VWC2: variants seen among roughly 807,000 people sequenced by gnomAD.
VWC2 encodes von Willebrand factor C domain containing 2.
A neutral mutation model predicts 29.8 loss-of-function variants in VWC2; 14 were observed. The observed-to-expected ratio is 0.47, with a 90% CI of 0.31 to 0.74. The LOEUF (loss-of-function observed/expected upper bound fraction) is 0.74, where lower values mean the gene tolerates loss of function less well. VWC2 is among the 30% of genes least tolerant of loss of function. The pLI is 0.05. For synonymous variants in VWC2, 213 were observed against 199.0 expected (o/e 1.07, Z -0.59); for missense variants, 457 against 459.8 (o/e 0.99, Z 0.05).
intron 3 of VWC2, among the ~76,000 whole-genome samples, chr7:49,858,132 A>G (rs896666940): frequency 6.6e-6 from 1 of 152,146 alleles, no homozygotes; most frequent in Non-Finnish European, 1.5e-5. Context: ...AAGTGTTCCT[A>G]TTTCTCCACA....
At chr7:49,792,272 G>A (rs1331390066) in intron 2 of VWC2, among the ~76,000 whole-genome samples, 1 of 152,166 alleles carries the variant, frequency 6.6e-6, no homozygotes, top group African/African-American at 2.4e-5. Context: ...TAAGCACTTT[G>A]CCAACAGCAA....
intron 3 of VWC2, among the ~76,000 whole-genome samples, chr7:49,853,920 T>G (rs1345198588): frequency 7.3e-6 from 1 of 136,590 alleles, no homozygotes; most frequent in Non-Finnish European, 1.5e-5. Flanking sequence ...TGTGTCCAAA[T>G]GTTTTCATTG....
At chr7:49,819,914 G>A (rs1789228142) in intron 3 of VWC2, among the ~76,000 whole-genome samples, 1 of 152,106 alleles carries the variant, frequency 6.6e-6, no homozygotes, top group South Asian at 2.1e-4. Context: ...ATAAATAGAG[G>A]GAGGGCATTG....
chr7:49,906,912 T>C (rs1174722206), intron 3 of VWC2, among the ~76,000 whole-genome samples: 1 of 152,200 alleles, frequency 6.6e-6, no homozygotes, highest in African/African-American at 2.4e-5. Context: ...TATATCTCTT[T>C]CTTGCCTGAA....
At chr7:49,911,859 T>TGCA (rs1793459433) in intron 3 of VWC2, among the ~76,000 whole-genome samples, 175 bp from the exon 4 acceptor site, 1 of 151,360 alleles carries the variant, frequency 6.6e-6, no homozygotes, top group African/African-American at 2.4e-5. Context: ...ATCGTGCCAC[T>TGCA]GCACTCCAGC....
Position 49,775,519 on chromosome 7 carries a change from T to C in VWC2, c.84T>C (p.Ser28=). ...GCTGCCTGATGGTGGCTCTGTGCAG[T>C]CCGAGCATCCCGCTGGAGAAGCTGG... is the stretch of plus-strand genomic sequence containing the variant. ...VTCCLMVALC[S]PSIPLEKLAQ... is the part of the protein sequence containing the mutation. The change falls in exon 2 of 4, where the codon AGT becomes AGC. Residue 28 remains serine (S), a synonymous_variant. Coordinates refer to ENST00000340652, the MANE Select transcript of VWC2 (RefSeq NM_198570.5). 1.3e-6 allele frequency: 2 copies of C among 1,577,480 alleles called. No homozygotes were observed. Among genetic ancestry groups the C allele is most frequent in the Non-Finnish European group, 1.7e-6 (2 of 1,166,130 alleles).
In VWC2 at chr7:49,867,845, A is replaced by G. The variant is rs6972877; in HGVS notation, c.827-44189A>G. The stretch of plus-strand genomic sequence containing the variant: ...ATTTTTTATTTTATTATTTTATTTT[A>G]TTTTTTGAGGTGGAGTCTTGCCCTG... On this transcript the variant is annotated intron_variant, in intron 3 of 3. Transcript: ENST00000340652. Among the ~76,000 whole-genome samples, 5 of 127,262 alleles carry G rather than the reference A, an allele frequency of 3.9e-5. No homozygotes were observed. The East Asian group carries it at 1.8e-3, about 45-fold the overall frequency. 83.5% of individuals were successfully genotyped at this position (127,262 alleles called of 152,430 possible). A position where few individuals can be genotyped will look rare whatever the true frequency, so the allele number is the denominator to read the frequency against.
intron 3 of VWC2, among the ~76,000 whole-genome samples, chr7:49,834,930 C>A (rs1158435924): frequency 6.6e-6 from 1 of 152,156 alleles, no homozygotes; most frequent in Non-Finnish European, 1.5e-5. Context: ...GAGATATTGT[C>A]AACCTAAAGA....
intron 2 of VWC2, among the ~76,000 whole-genome samples, chr7:49,783,656 C>T (rs1030029618): frequency 6.6e-6 from 1 of 152,178 alleles, no homozygotes; most frequent in African/African-American, 2.4e-5. Context: ...CATAGACTGC[C>T]TTTCAAATCT....
At chr7:49,843,761 G>A (rs908349674) in intron 3 of VWC2, among the ~76,000 whole-genome samples, 21 of 152,310 alleles carry the variant, frequency 1.4e-4, no homozygotes, top group Admixed American at 3.3e-4. Context: ...TTGAAATGTT[G>A]CCCCCAGCGC....
intron 3 of VWC2, among the ~76,000 whole-genome samples, chr7:49,867,445 G>C (rs1456056199): frequency 6.6e-6 from 1 of 152,170 alleles, no homozygotes; most frequent in African/African-American, 2.4e-5. Context: ...GAGAGGCGGA[G>C]GTGGGCCTCC....
chr7:49,811,897 T>C (rs1209630122), intron 3 of VWC2, among the ~76,000 whole-genome samples: 1 of 152,210 alleles, frequency 6.6e-6, no homozygotes, highest in Non-Finnish European at 1.5e-5. Context: ...CTAGAATTAT[T>C]ATTAATGGCC....
At chr7:49,830,790 T>C (rs1337311992) in intron 3 of VWC2, among the ~76,000 whole-genome samples, 2 of 152,182 alleles carry the variant, frequency 1.3e-5, no homozygotes, top group South Asian at 2.1e-4. Flanking sequence ...GTCCTTGCGA[T>C]AGTTTGCTGA....
At chr7:49,869,060 T>G (rs1228283580) in intron 3 of VWC2, among the ~76,000 whole-genome samples, 1 of 152,192 alleles carries the variant, frequency 6.6e-6, no homozygotes, top group Non-Finnish European at 1.5e-5. Flanking sequence ...TTGTAGGGAA[T>G]TTTTGAAACC....
At chr7:49,780,388 T>C (rs147082772) in intron 2 of VWC2, among the ~76,000 whole-genome samples, 6 of 152,306 alleles carry the variant, frequency 3.9e-5, no homozygotes, top group African/African-American at 1.4e-4. Flanking sequence ...CCACATGATT[T>C]GTTCAGAAGC....
chr7:49,835,463 T>C (rs1210016705), intron 3 of VWC2, among the ~76,000 whole-genome samples: 1 of 152,174 alleles, frequency 6.6e-6, no homozygotes, highest in Non-Finnish European at 1.5e-5. Flanking sequence ...GAATCAGGAC[T>C]GAACACTTGT....
chr7:49,839,803 A>C (rs1344935831), intron 3 of VWC2, among the ~76,000 whole-genome samples: 1 of 152,248 alleles, frequency 6.6e-6, no homozygotes, highest in African/African-American at 2.4e-5. Context: ...AACTCAAGTT[A>C]GGAGTGAGAA....
intron 2 of VWC2, among the ~76,000 whole-genome samples, chr7:49,784,294 C>T (rs1244823611): frequency 6.6e-6 from 1 of 152,202 alleles, no homozygotes; most frequent in African/African-American, 2.4e-5. Context: ...TCCCTGACAC[C>T]TTTCTGAGTC....
rs1793774663 is a variant in VWC2 at position 49,917,303 on chromosome 7, AC to A, written c.*5119del. ...AAGCACCTGCTATTCTAGCCTTAAC[AC>A]AAAGATTTGGCTAATTTTTAAATGA... On this transcript the variant is annotated 3_prime_UTR_variant, in exon 4 of 4. Coordinates refer to ENST00000340652, the MANE Select transcript of VWC2 (RefSeq NM_198570.5). 6.6e-6 allele frequency: 1 copy of A among 152,180 alleles called. No individual in the cohort carries two copies. The highest frequency in any genetic ancestry group is 1.5e-5 in the Non-Finnish European group (1 of 68,020). 9.4% of individuals were successfully genotyped at this position (152,180 alleles called of 1,614,324 possible).
Sources: gnomAD v4.1 joint callset for allele counts (sites outside exome capture counted in the v4.1 genomes callset) on GRCh38, gnomAD v4.1.1 for gene constraint, MANE v1.5 for transcripts, NCBI Gene and HGNC (gene_info 2026-07-23, HGNC 2026-07-21) for gene names.